IGF1R: variants seen among roughly 807,000 people sequenced by gnomAD.
The protein encoded by IGF1R is insulin like growth factor 1 receptor.
A neutral mutation model predicts 144.6 loss-of-function variants in IGF1R; 44 were observed. The observed-to-expected ratio is 0.30, with a 90% CI of 0.24 to 0.39. IGF1R has a LOEUF of 0.39. IGF1R is among the 10% of genes least tolerant of loss of function. IGF1R has a pLI of 1.00. For synonymous variants in IGF1R, 795 were observed against 722.8 expected, an observed-to-expected ratio of 1.10 and a Z score of -1.60; for missense variants, 1,355 against 1,833.7, an observed-to-expected ratio of 0.74 and a Z score of 4.77.
At chr15:98,829,877 G>GT (rs1478983903) in intron 2 of IGF1R, among the ~76,000 whole-genome samples, 1 of 152,138 alleles carries the variant, frequency 6.6e-6, no homozygotes, top group African/African-American at 2.4e-5. Context: ...CGTGTACCTT[G>GT]TTTTTCATTG....
intron 2 of IGF1R, among the ~76,000 whole-genome samples, chr15:98,743,947 A>G (rs969612573): frequency 3.9e-5 from 6 of 152,072 alleles, no homozygotes; most frequent in East Asian, 1.9e-4. Flanking sequence ...TTGGATGACA[A>G]CTATGGCAAT....
intron 2 of IGF1R, among the ~76,000 whole-genome samples, chr15:98,845,713 C>T (rs887635462): frequency 1.1e-4 from 16 of 151,980 alleles, no homozygotes; most frequent in African/African-American, 3.9e-4. Context: ...CACCAGTTCT[C>T]TGAATGTCTT....
At chr15:98,678,989 A>G (rs979690727) in intron 1 of IGF1R, among the ~76,000 whole-genome samples, 2 of 138,396 alleles carry the variant, frequency 1.4e-5, no homozygotes, top group African/African-American at 5.6e-5. Flanking sequence ...TGGTGTGGTC[A>G]TGGCTCACTG....
At chr15:98,734,148 C>T (rs2054559161) in intron 2 of IGF1R, among the ~76,000 whole-genome samples, 1 of 152,144 alleles carries the variant, frequency 6.6e-6, no homozygotes, top group Non-Finnish European at 1.5e-5. Flanking sequence ...TGTAATTTCT[C>T]AGGGTTTTGT....
At chr15:98,872,713 T>TA (rs1180339106) in intron 2 of IGF1R, among the ~76,000 whole-genome samples, 2 of 152,190 alleles carry the variant, frequency 1.3e-5, no homozygotes, top group African/African-American at 2.4e-5. Context: ...GATAGAAACT[T>TA]ACTTCATTCT....
intron 2 of IGF1R, among the ~76,000 whole-genome samples, chr15:98,840,962 T>C (rs2011164052): frequency 6.6e-6 from 1 of 152,202 alleles, no homozygotes; most frequent in Admixed American, 6.5e-5. Context: ...ATTACAGGCG[T>C]GAGACACTGC....
chr15:98,771,172 A>G (rs1426743330), intron 2 of IGF1R, among the ~76,000 whole-genome samples: 1 of 152,116 alleles, frequency 6.6e-6, no homozygotes, highest in East Asian at 1.9e-4. Flanking sequence ...TCCATTCATC[A>G]TTCATCCCTC....
At chr15:98,807,498 G>T (rs1411845942) in intron 2 of IGF1R, among the ~76,000 whole-genome samples, 1 of 152,132 alleles carries the variant, frequency 6.6e-6, no homozygotes, top group Admixed American at 6.5e-5. Context: ...TAGACTCCTG[G>T]CATAGTTTTA....
rs568785290 is a variant in IGF1R, at chr15:98,904,692, A to G, written c.1248-3993A>G. Among the ~76,000 whole-genome samples, 247 of 152,294 alleles carry G rather than the reference A, an allele frequency of 1.6e-3. 1 individual carries two copies. The highest frequency in any genetic ancestry group is 0.01 in the Middle Eastern group (3 of 294). On this transcript the variant is annotated intron_variant, in intron 5 of 20. Coordinates refer to ENST00000650285, the MANE Select transcript of IGF1R (RefSeq NM_000875.5). ...CCCTAGAGACAGCCGTGAAGAGGCA[A>G]TTTTCTCCTCGAAGGAAGGAACTGG...
rs966988204 is a variant in IGF1R, at chr15:98,956,961, G to T, written c.3723-100G>T. 7 of 1,329,342 alleles carry T rather than the reference G, an allele frequency of 5.3e-6. No homozygotes were observed. In the African/African-American group the frequency reaches 8.6e-5, roughly 16 times the overall value. The allele number at this position is 1,329,342 out of a possible 1,614,324, so 82.3% of individuals were successfully genotyped here. A position where few individuals can be genotyped will look rare whatever the true frequency, so the allele number is the denominator to read the frequency against. On this transcript the variant is annotated intron_variant, in intron 20 of 20. Coordinates refer to ENST00000650285, the MANE Select transcript of IGF1R (RefSeq NM_000875.5). The stretch of plus-strand genomic sequence containing the variant: ...CAGGGCTGTGTTCAGTGCTCCCGCC[G>T]TACGCTTGTATGCGGGAAACCACTG...
At chr15:98,875,460 C>G (rs2013015774) in intron 2 of IGF1R, among the ~76,000 whole-genome samples, 1 of 149,716 alleles carries the variant, frequency 6.7e-6, no homozygotes, top group Non-Finnish European at 1.5e-5. Flanking sequence ...AAGTTGCTGT[C>G]TACTGATCCC....
At chr15:98,728,717 C>T (rs1309408798) in intron 2 of IGF1R, among the ~76,000 whole-genome samples, 1 of 152,264 alleles carries the variant, frequency 6.6e-6, no homozygotes, top group Non-Finnish European at 1.5e-5. Flanking sequence ...GTGCATTCTG[C>T]ACTCTCCCGA....
chr15:98,939,438 C>T, intron 18 of IGF1R, 78 bp downstream of exon 18: 19 of 1,412,738 alleles, frequency 1.3e-5, no homozygotes, highest in Non-Finnish European at 1.8e-5. Flanking sequence ...TAGTCTGCCC[C>T]TGGAGAGGTT....
chr15:98,886,499 C>T (rs2013648101), intron 2 of IGF1R, among the ~76,000 whole-genome samples: 1 of 152,110 alleles, frequency 6.6e-6, no homozygotes, highest in Admixed American at 6.5e-5. Context: ...TTGCTTTTTT[C>T]TCTGTATATT....
At chr15:98,858,760 TCTCA>T (rs1241259495) in intron 2 of IGF1R, among the ~76,000 whole-genome samples, 4 of 152,220 alleles carry the variant, frequency 2.6e-5, no homozygotes, top group Non-Finnish European at 2.9e-5. Flanking sequence ...GGGAGAAATC[TCTCA>T]CTCTGTTTTA....
chr15:98,830,986 G>A (rs2056992064), intron 2 of IGF1R, among the ~76,000 whole-genome samples: 1 of 152,140 alleles, frequency 6.6e-6, no homozygotes, highest in Admixed American at 6.5e-5. Flanking sequence ...ATCATGGCAA[G>A]AAGAGAAAGA....
intron 20 of IGF1R, among the ~76,000 whole-genome samples, chr15:98,951,771 T>C (rs1338179525): frequency 6.6e-6 from 1 of 152,154 alleles, no homozygotes. Context: ...CTTCTCTGAG[T>C]GCAGAGTTCG....
Position 98,662,182 on chromosome 15 carries a change from T to C in IGF1R, c.94+12507T>C, listed in dbSNP as rs544104598. Among the ~76,000 whole-genome samples, 647 of 151,858 alleles carry C rather than the reference T, an allele frequency of 4.3e-3. 1 individual carries two copies. Among genetic ancestry groups the C allele is most frequent in the Non-Finnish European group, 8.1e-3 (550 of 67,934 alleles). ...TTCTAGTAGAGACGGGGTTTAGGCA[T>C]GTTGGTCAGGCTGGTCTCAAACTCC... On this transcript the variant is annotated intron_variant, in intron 1 of 20. Transcript: ENST00000650285.
chr15:98,889,049 AT>A (rs1253136272), intron 2 of IGF1R, among the ~76,000 whole-genome samples: 4 of 152,206 alleles, frequency 2.6e-5, no homozygotes, highest in African/African-American at 4.8e-5. Flanking sequence ...ACGTTTGTTT[AT>A]ATCTCACTGG....
Sources: allele counts gnomAD v4.1 joint callset (sites outside exome capture counted in the v4.1 genomes callset), GRCh38; gene constraint gnomAD v4.1.1; transcripts MANE v1.5; gene names NCBI Gene and HGNC (gene_info 2026-07-23, HGNC 2026-07-21).